TNC: variants seen among roughly 807,000 people sequenced by gnomAD.
TNC encodes the protein tenascin C, also known as tenascin.
A neutral mutation model predicts 202.4 loss-of-function variants in TNC; 109 were observed. That is an observed-to-expected ratio of 0.54 (90% CI 0.46 to 0.63). The LOEUF (loss-of-function observed/expected upper bound fraction) is 0.63. Among genes scored for constraint, TNC ranks in the 30% least tolerant of loss-of-function variants. The pLI is 0.00. For synonymous variants in TNC, 1,007 were observed against 1,089.7 expected, an observed-to-expected ratio of 0.92 and a Z score of 1.50; for missense variants, 2,756 against 2,833.3, an observed-to-expected ratio of 0.97 and a Z score of 0.62.
rs185819243 is a variant in TNC at position 115,059,380 on chromosome 9, G to T, written c.4306+350C>A. Among the ~76,000 whole-genome samples, 593 of 152,308 alleles carry T rather than the reference G, an allele frequency of 3.9e-3. 7 individuals are homozygous for T. The highest frequency in any genetic ancestry group is 0.013 in the African/African-American group (541 of 41,576). On this transcript the variant is annotated intron_variant, in intron 14 of 27. Coordinates refer to ENST00000350763, the MANE Select transcript of TNC (RefSeq NM_002160.4). ...TTCCACCAGAACTCATATATAGGGA[G>T]GGAAGCTTTTAGTTATCTCCAAGCA...
intron 1 of TNC, among the ~76,000 whole-genome samples, chr9:115,094,815 CTCTGTGTGTGTGTGTGTGTGTGTGTG>C (rs1484778808): frequency 8.0e-6 from 1 of 125,226 alleles, no homozygotes; most frequent in African/African-American, 3.1e-5. Flanking sequence ...GAACAAGTGC[CTCTGTGTGTGTGTGTGTGTGTGTGTG>C]TGTGTGTGTG....
intron 1 of TNC, among the ~76,000 whole-genome samples, chr9:115,114,700 A>G (rs1203767323): frequency 1.3e-5 from 2 of 152,238 alleles, no homozygotes; most frequent in African/African-American, 2.4e-5. Context: ...GCACAGCCTG[A>G]CTTCAGAAGG....
In TNC at chr9:115,064,062, G is replaced by A; in HGVS notation, c.3494C>T (p.Thr1165Ile). 1 of 1,605,152 alleles carries A rather than the reference G, an allele frequency of 6.2e-7. No individual in the cohort carries two copies. The highest frequency in any genetic ancestry group is 1.1e-5 in the South Asian group (1 of 90,000). ...CACCACGACCTCTCCCAAATTGGGA[G>A]TTTCCCCTGGAGAAGGACAAAGAAC... ...VLSAEASTGE[T>I]PNLGEVVVAE... The change falls in exon 12 of 28, where the codon ACT becomes ATT. Residue 1165 changes from threonine (T) to isoleucine (I), a missense_variant. Coordinates refer to ENST00000350763, the MANE Select transcript of TNC (RefSeq NM_002160.4).
chr9:115,040,722 G>T (rs1830665479), intron 19 of TNC, among the ~76,000 whole-genome samples: 1 of 152,088 alleles, frequency 6.6e-6, no homozygotes, highest in Non-Finnish European at 1.5e-5. Flanking sequence ...CAAGGTTAAG[G>T]TCACCCAGCT....
chr9:115,050,626 T>C (rs1831573065), intron 15 of TNC, among the ~76,000 whole-genome samples: 1 of 152,240 alleles, frequency 6.6e-6, no homozygotes, highest in East Asian at 1.9e-4. Flanking sequence ...AGGGAGTTCA[T>C]GATTGCATAG....
chr9:115,101,883 C>A (rs1588216697), intron 1 of TNC, among the ~76,000 whole-genome samples: 1 of 152,014 alleles, frequency 6.6e-6, no homozygotes, highest in Non-Finnish European at 1.5e-5. Context: ...GTTGAAAAGG[C>A]CTTGGAAGAT....
intron 26 of TNC, among the ~76,000 whole-genome samples, chr9:115,024,767 G>A (rs112575558): frequency 0.017 from 2,647 of 152,202 alleles, 122 homozygotes; most frequent in East Asian, 0.11. Flanking sequence ...ACCATGTTCC[G>A]TGATTCTTAG....
Position 115,090,744 on chromosome 9 carries a change from A to G in TNC, c.275T>C (p.Val92Ala). 1 of 1,614,172 alleles carries G rather than the reference A, an allele frequency of 6.2e-7. No individual in the cohort carries two copies. Among genetic ancestry groups the G allele is most frequent in the Non-Finnish European group, 8.5e-7 (1 of 1,180,022 alleles). Residue 92 changes from valine to alanine, a missense_variant, in exon 2 of 28, where the codon GTG (valine) becomes GCG (alanine). Physicochemically the swap from Val to Ala is moderately conservative, Grantham distance 64. Around this residue, in one of 2 missense-constraint regions of TNC, gnomAD observed 2,559 missense variants for 2,546.0 expected, o/e 1.01. Coordinates refer to ENST00000350763, the MANE Select transcript of TNC (RefSeq NM_002160.4). ...EPSESFQEHT[V>A]DGENQIVFTH... The stretch of plus-strand genomic sequence containing the variant: ...GAAGACAATCTGGTTTTCCCCATCC[A>G]CTGTGTGCTCCTGAAAGCTTTCGCT...
intron 14 of TNC, among the ~76,000 whole-genome samples, chr9:115,058,505 G>A (rs868490960): frequency 6.6e-6 from 1 of 152,234 alleles, no homozygotes; most frequent in African/African-American, 2.4e-5. Context: ...CTTCTGGGAA[G>A]GGATGGTTTA....
At chr9:115,038,177 G>T in intron 20 of TNC, 84 bp downstream of exon 20, 1 of 1,530,716 alleles carries the variant, frequency 6.5e-7, no homozygotes. Flanking sequence ...TGTACCAAAT[G>T]TGGCAGGGAG....
intron 3 of TNC, among the ~76,000 whole-genome samples, chr9:115,085,137 C>G (rs933119317): frequency 6.6e-6 from 1 of 152,192 alleles, no homozygotes; most frequent in African/African-American, 2.4e-5. Flanking sequence ...TTAATTTTCT[C>G]TCCTGTGTTT....
chr9:115,090,116 C>G (rs757284780), intron 2 of TNC, among the ~76,000 whole-genome samples: 1 of 152,086 alleles, frequency 6.6e-6, no homozygotes, highest in African/African-American at 2.4e-5. Context: ...ATTGGAGGAC[C>G]TTCAGGAATC....
intron 1 of TNC, among the ~76,000 whole-genome samples, chr9:115,102,100 TG>T (rs1836282899): frequency 6.6e-6 from 1 of 152,206 alleles, no homozygotes; most frequent in Non-Finnish European, 1.5e-5. Context: ...CTGAAAAAAC[TG>T]AGGCATAGAG....
Position 115,087,119 on chromosome 9 carries a change from C to G in TNC, c.612G>C (p.Gln204His), listed in dbSNP as rs766459680. 6 of 1,614,260 alleles carry G rather than the reference C, an allele frequency of 3.7e-6. No homozygotes were observed. Among genetic ancestry groups the G allele is most frequent in the Non-Finnish European group, 3.4e-6 (4 of 1,180,054 alleles). ...CHLRGRCIDG[Q>H]CICDDGFTGE... ...CCGTGAAGCCGTCGTCACAGATGCA[C>G]TGCCCATCAATGCACCGGCCTCGAA... The change falls in exon 3 of 28, where the codon CAG becomes CAC. Residue 204 changes from glutamine to histidine, a missense_variant. By Grantham distance (24) the Gln-to-His change is conservative. Coordinates refer to ENST00000350763, the MANE Select transcript of TNC (RefSeq NM_002160.4).
At chr9:115,037,069 G>T (rs1830387217) in intron 20 of TNC, among the ~76,000 whole-genome samples, 1 of 152,162 alleles carries the variant, frequency 6.6e-6, no homozygotes, top group African/African-American at 2.4e-5. Context: ...AGAAGAGTTT[G>T]CTCACAGGGA....
At chr9:115,042,078 T>G in intron 18 of TNC, 141 bp downstream of exon 18, 5 of 1,329,190 alleles carry the variant, frequency 3.8e-6, no homozygotes, top group Non-Finnish European at 5.1e-6. Flanking sequence ...ATGAGTTCTC[T>G]TCTCTCCAGA....
chr9:115,087,527 GGTGTGTGTGT>G (rs57327715), intron 2 of TNC, among the ~76,000 whole-genome samples: 16 of 148,834 alleles, frequency 1.1e-4, no homozygotes, highest in South Asian at 6.6e-4. Flanking sequence ...TATGCATAGG[GGTGTGTGTGT>G]GTGTGTGTGT....
intron 2 of TNC, among the ~76,000 whole-genome samples, chr9:115,089,791 C>T (rs1459123552): frequency 7.9e-5 from 12 of 152,196 alleles, no homozygotes; most frequent in East Asian, 3.9e-4. Context: ...TGAACCACTG[C>T]GCCTAGCCAA....
intron 1 of TNC, among the ~76,000 whole-genome samples, chr9:115,095,444 GTGTATATATATA>G (rs1233674652): frequency 0.024 from 2,649 of 108,156 alleles, 126 homozygotes; most frequent in Middle Eastern, 0.056. Context: ...GTCGTGGTAT[GTGTATATATATA>G]TGTATATATA....
Sources: allele counts gnomAD v4.1 joint callset (sites outside exome capture counted in the v4.1 genomes callset), GRCh38; gene constraint gnomAD v4.1.1; regional missense constraint gnomAD v4.1.1; transcripts MANE v1.5; gene names NCBI Gene and HGNC (gene_info 2026-07-23, HGNC 2026-07-21).